PCBP3: variants seen among roughly 807,000 people sequenced by gnomAD.
PCBP3 encodes poly(rC) binding protein 3.
Under a neutral mutation model 52.7 loss-of-function variants are expected in PCBP3, and 25 were observed. The ratio of observed to expected loss-of-function variants is 0.47; its 90% CI spans 0.35 to 0.66. The LOEUF (loss-of-function observed/expected upper bound fraction) is 0.66, where lower values mean the gene tolerates loss of function less well. Among genes scored for constraint, PCBP3 ranks in the 30% least tolerant of loss-of-function variants. PCBP3 has a pLI of 0.01. For missense variants in PCBP3, 391 were observed against 490.3 expected, an observed-to-expected ratio of 0.80 and a Z score of 1.91; for synonymous variants, 162 against 183.0, an observed-to-expected ratio of 0.89 and a Z score of 0.93.
intron 2 of PCBP3, among the ~76,000 whole-genome samples, chr21:45,719,117 C>T (rs1050088931): frequency 2.0e-5 from 3 of 152,192 alleles, no homozygotes; most frequent in South Asian, 4.1e-4. Flanking sequence ...TGGCTGAATT[C>T]GGGGAACAAG....
rs1487703716 is a variant in PCBP3 at position 45,802,441 on chromosome 21, T to TACGTTGTCCTGTGCCCGGGCTGCCC, written c.-126+46991_-126+47015dup. Among the ~76,000 whole-genome samples, 67 of 152,318 alleles carry TACGTTGTCCTGTGCCCGGGCTGCCC rather than the reference T, an allele frequency of 4.4e-4. No individual in the cohort carries two copies. Among genetic ancestry groups the TACGTTGTCCTGTGCCCGGGCTGCCC allele is most frequent in the Non-Finnish European group, 7.9e-4 (54 of 68,028 alleles). The stretch of plus-strand genomic sequence containing the variant: ...AAAACAATTGTACTTACTGAGTGCC[T>TACGTTGTCCTGTGCCCGGGCTGCCC]ACGTTGTCCTGTGCCCGGGCTGCCC... On this transcript the variant is annotated intron_variant, in intron 4 of 17. Transcript: ENST00000681687. This position sits in a 1 kb window ranked among gnomAD's most constrained non-coding sequence, Gnocchi z 5.1.
intron 6 of PCBP3, among the ~76,000 whole-genome samples, chr21:45,898,226 G>A (rs1287438015): frequency 1.3e-5 from 2 of 152,154 alleles, no homozygotes; most frequent in Non-Finnish European, 2.9e-5. Flanking sequence ...ACTCTGTGGG[G>A]GAGGTGCCAT....
intron 4 of PCBP3, chr21:45,763,320 A>G (rs1477040684): frequency 6.6e-6 from 1 of 152,278 alleles, no homozygotes; most frequent in Non-Finnish European, 1.5e-5. Context: ...CATTCCGCTC[A>G]CGCTGTGCTC....
intron 5 of PCBP3, among the ~76,000 whole-genome samples, chr21:45,891,942 A>T (rs1020430036): frequency 6.6e-6 from 1 of 152,156 alleles, no homozygotes; most frequent in Admixed American, 6.5e-5. Flanking sequence ...CTGAGTCAGG[A>T]CGTCCACACA....
At chr21:45,690,918 AAACCACTC>A (rs766600884) in intron 2 of PCBP3, among the ~76,000 whole-genome samples, 8 of 152,182 alleles carry the variant, frequency 5.3e-5, no homozygotes, top group Non-Finnish European at 1.2e-4. Flanking sequence ...GGGGGAGAGT[AAACCACTC>A]AACCACTTTG....
At chr21:45,908,608 C>T (rs193175476) in intron 9 of PCBP3, among the ~76,000 whole-genome samples, 5 of 151,738 alleles carry the variant, frequency 3.3e-5, no homozygotes, top group South Asian at 2.1e-4. Context: ...CCGCGCTGTC[C>T]GCCACGCTCT....
Position 45,704,886 on chromosome 21 carries a change from C to T in PCBP3, c.-199-30506C>T, listed in dbSNP as rs2148033180. On this transcript the variant is annotated intron_variant, in intron 2 of 17. Transcript: ENST00000681687. The surrounding 1 kb of genome is among the most constrained non-coding windows in gnomAD (Gnocchi z 4.1). ...CTGCTGTCTGCTGAATACATGATGG[C>T]AGTTGATTCTGGAGATAACCAAATA... Among the ~76,000 whole-genome samples, 1 of 152,276 alleles carries T rather than the reference C, an allele frequency of 6.6e-6. No homozygotes were observed. The highest frequency in any genetic ancestry group is 2.1e-4 in the South Asian group (1 of 4,824).
At chr21:45,901,245 T>A in intron 9 of PCBP3, 132 bp downstream of exon 9, 1 of 698,066 alleles carries the variant, frequency 1.4e-6, no homozygotes, top group Non-Finnish European at 2.6e-6. Flanking sequence ...ATAACTACGC[T>A]CACCTCCTTT....
At position 45,684,055 on chromosome 21, in the gene PCBP3, CAAAAAAAA is replaced by C. The variant is rs71334088; in HGVS notation, c.-200+15120_-200+15127del. 5.9e-3 allele frequency among the ~76,000 whole-genome samples: 465 copies of C among 78,462 alleles called. 3 individuals are homozygous for C. The highest frequency in any genetic ancestry group is 0.021 in the African/African-American group (427 of 20,454). The allele number at this position is 78,462 out of a possible 152,430, so 51.5% of individuals were successfully genotyped here. On this transcript the variant is annotated intron_variant, in intron 2 of 17. Coordinates refer to ENST00000681687, the MANE Select transcript of PCBP3 (RefSeq NM_001384156.1). Reference sequence around the variant, plus strand: ...CTGGTCAACATAGAACCCATCTCTACAAAAAAAAAAAAAAAAAAAAAAAATTGCCGGGT... The same window carrying C: ...CTGGTCAACATAGAACCCATCTCTACAAAAAAAAAAAAAAAATTGCCGGGT...
chr21:45,727,620 A>G (rs867010883), intron 2 of PCBP3, among the ~76,000 whole-genome samples: 14 of 152,316 alleles, frequency 9.2e-5, no homozygotes, highest in Middle Eastern at 3.4e-3. Context: ...GAATCATTTC[A>G]GCAGGCCCTT....
At position 45,654,151 on chromosome 21, in the gene PCBP3, A is replaced by G. The variant is rs116759810; in HGVS notation, c.-279+10283A>G. Among the ~76,000 whole-genome samples the G allele has an allele frequency of 5.8e-3, 878 of 152,232 alleles. 9 individuals are homozygous for G. The highest frequency in any genetic ancestry group is 0.02 in the African/African-American group (847 of 41,548). ...TATTAATAGTATTATTACTGGTAAC[A>G]TTAACAGTATTGTATTAACAGTAAT... On this transcript the variant is annotated intron_variant, in intron 1 of 17. Coordinates refer to ENST00000681687, the MANE Select transcript of PCBP3 (RefSeq NM_001384156.1).
At chr21:45,902,895 T>C (rs542474165) in intron 9 of PCBP3, among the ~76,000 whole-genome samples, 2 of 152,380 alleles carry the variant, frequency 1.3e-5, no homozygotes, top group African/African-American at 4.8e-5. Context: ...CTGCTGGAGT[T>C]GGCGATGGGT....
chr21:45,667,164 T>G (rs2080865774), intron 1 of PCBP3, among the ~76,000 whole-genome samples: 1 of 150,790 alleles, frequency 6.6e-6, no homozygotes, highest in Non-Finnish European at 1.5e-5. Flanking sequence ...TCTCATTCAT[T>G]CATTTATTCA....
rs998008755 is a variant in PCBP3, at chr21:45,880,094, C to G, written c.11-16114C>G. 6.6e-6 allele frequency among the ~76,000 whole-genome samples: 1 copy of G among 152,284 alleles called. No individual in the cohort carries two copies. Among genetic ancestry groups the G allele is most frequent in the East Asian group, 1.9e-4 (1 of 5,176 alleles). On this transcript the variant is annotated intron_variant, in intron 5 of 17. Coordinates refer to ENST00000681687, the MANE Select transcript of PCBP3 (RefSeq NM_001384156.1). The surrounding 1 kb of genome is among the most constrained non-coding windows in gnomAD (Gnocchi z 5.4). The stretch of plus-strand genomic sequence containing the variant: ...TTTGTTGTGTGGCGTGAGAGTCCAT[C>G]CTGGTTTCGTGGCATTTTTCTCTGC...
At chr21:45,713,120 G>A (rs912235100) in intron 2 of PCBP3, among the ~76,000 whole-genome samples, 8 of 152,074 alleles carry the variant, frequency 5.3e-5, no homozygotes, top group Admixed American at 5.2e-4. Context: ...GGGAATTTTG[G>A]GATAAAATGT....
intron 2 of PCBP3, among the ~76,000 whole-genome samples, chr21:45,685,302 A>C (rs1230785321): frequency 6.6e-6 from 1 of 152,218 alleles, no homozygotes; most frequent in East Asian, 1.9e-4. Context: ...TTGCAAGATG[A>C]AAACAGTTGT....
At chr21:45,932,837 G>A (rs968141630) in intron 15 of PCBP3, among the ~76,000 whole-genome samples, 19 of 151,996 alleles carry the variant, frequency 1.3e-4, no homozygotes, top group African/African-American at 4.6e-4. Flanking sequence ...TGAGATGAAC[G>A]AACACCTGGG....
intron 5 of PCBP3, among the ~76,000 whole-genome samples, chr21:45,866,021 G>T (rs781098648): frequency 2.0e-5 from 3 of 152,208 alleles, no homozygotes; most frequent in Non-Finnish European, 1.5e-5. Context: ...CTGTCCTGCC[G>T]CACTCCAGCC....
At position 45,904,765 on chromosome 21, in the gene PCBP3, T is replaced by C. The variant is rs751044437; in HGVS notation, c.339+3652T>C. Among the ~76,000 whole-genome samples the C allele has an allele frequency of 1.7e-4, 26 of 152,160 alleles. No individual in the cohort carries two copies. Among genetic ancestry groups the C allele is most frequent in the Non-Finnish European group, 2.9e-4 (20 of 68,020 alleles). ...CTGGTTAAAATCTACCTGAAGGTGC[T>C]CAGAGGGCCCTTGAGTCGTCGCTCT... On this transcript the variant is annotated intron_variant, in intron 9 of 17. Coordinates refer to ENST00000681687, the MANE Select transcript of PCBP3 (RefSeq NM_001384156.1). The surrounding 1 kb of genome is among the most constrained non-coding windows in gnomAD (Gnocchi z 4.8).
Sources: gnomAD v4.1 joint callset for allele counts (sites outside exome capture counted in the v4.1 genomes callset) on GRCh38, gnomAD v4.1.1 for gene constraint, Gnocchi (gnomAD v3.1) non-coding constraint, MANE v1.5 for transcripts, NCBI Gene and HGNC (gene_info 2026-07-23, HGNC 2026-07-21) for gene names.